MAN1A1: variants seen among roughly 807,000 people sequenced by gnomAD.
MAN1A1 encodes the protein mannosyl-oligosaccharide 1,2-alpha-mannosidase IA.
Under a neutral mutation model 70.8 loss-of-function variants are expected in MAN1A1, and 29 were observed. That is an observed-to-expected ratio of 0.41 (90% CI 0.31 to 0.56). The LOEUF (loss-of-function observed/expected upper bound fraction) is 0.56, where lower values mean the gene tolerates loss of function less well. Among genes scored for constraint, MAN1A1 ranks in the 20% least tolerant of loss-of-function variants. The probability of loss-of-function intolerance (pLI) is 0.29; values close to 1 mark genes in which losing one functional copy is unlikely to be tolerated. For synonymous variants in MAN1A1, 349 were observed against 330.1 expected (o/e 1.06, Z -0.62); for missense variants, 747 against 841.3 (o/e 0.89, Z 1.39).
At chr6:119,336,577 ATTAT>A (rs532659985) in intron 2 of MAN1A1, among the ~76,000 whole-genome samples, 21 of 152,216 alleles carry the variant, frequency 1.4e-4, no homozygotes, top group Non-Finnish European at 2.5e-4. Context: ...CTACCATGCA[ATTAT>A]TTATATGACA....
intron 2 of MAN1A1, among the ~76,000 whole-genome samples, chr6:119,343,385 T>C (rs1773646103): frequency 6.6e-6 from 1 of 152,210 alleles, no homozygotes; most frequent in Non-Finnish European, 1.5e-5. Context: ...AGAATGATCT[T>C]TGTGTCTTGG....
At chr6:119,292,330 G>C (rs140217092) in intron 4 of MAN1A1, among the ~76,000 whole-genome samples, 1 of 151,820 alleles carries the variant, frequency 6.6e-6, no homozygotes, top group Non-Finnish European at 1.5e-5. Flanking sequence ...ATAATCATGG[G>C]ACTCACAGCA....
rs1435386099 is a variant in MAN1A1, at chr6:119,348,642, G to C, written c.424C>G (p.Leu142Val). ...ATGTCTCTTTGGATCTCCTCGGGCA[G>C]CTTCTGCAGGGTCTCCTTGGCTTCC... ...LREAKETLQK[L>V]PEEIQRDILL... Residue 142 changes from leucine to valine, a missense_variant, in exon 2 of 13, where the codon CTG becomes GTG. Leu to Val is a conservative substitution (Grantham distance 32). Around this residue, in one of 2 missense-constraint regions of MAN1A1, gnomAD observed 328 missense variants for 293.1 expected, o/e 1.12. Coordinates refer to ENST00000368468, the MANE Select transcript of MAN1A1 (RefSeq NM_005907.4). The C allele has an allele frequency of 6.2e-7, 1 of 1,613,568 alleles. No homozygotes were observed. Among genetic ancestry groups the C allele is most frequent in the African/African-American group, 1.3e-5 (1 of 74,862 alleles).
intron 6 of MAN1A1, among the ~76,000 whole-genome samples, chr6:119,237,915 G>A (rs1037654292): frequency 1.3e-5 from 2 of 152,126 alleles, no homozygotes; most frequent in Non-Finnish European, 2.9e-5. Context: ...ATAAAGCACA[G>A]CACTTTAAAT....
chr6:119,350,419 G>A (rs892244435), upstream of MAN1A1: 44 of 403,254 alleles, frequency 1.1e-4, no homozygotes, highest in African/African-American at 8.9e-4. Flanking sequence ...ACAGTTCTGT[G>A]CTTGCTTAGG....
intron 5 of MAN1A1, among the ~76,000 whole-genome samples, chr6:119,263,459 T>C (rs544308972): frequency 1.3e-5 from 2 of 152,028 alleles, no homozygotes; most frequent in Non-Finnish European, 2.9e-5. Flanking sequence ...ATTGAGTACA[T>C]ATGGACACAA....
At chr6:119,299,796 G>A (rs1772336553) in intron 4 of MAN1A1, among the ~76,000 whole-genome samples, 1 of 152,164 alleles carries the variant, frequency 6.6e-6, no homozygotes, top group Non-Finnish European at 1.5e-5. Flanking sequence ...GTGGTGGTCT[G>A]AGGACAGCCA....
intron 4 of MAN1A1, 55 bp downstream of exon 4, chr6:119,301,933 T>G: frequency 1.1e-6 from 1 of 951,964 alleles, no homozygotes; most frequent in Non-Finnish European, 1.7e-6. Context: ...ACTACAGAAT[T>G]TATCCATGTT....
chr6:119,336,246 TTTTCG>T (rs1261657635), intron 2 of MAN1A1, among the ~76,000 whole-genome samples: 1 of 152,164 alleles, frequency 6.6e-6, no homozygotes, highest in East Asian at 1.9e-4. Flanking sequence ...GTTTTTGTAT[TTTTCG>T]TAGAGACAGG....
At chr6:119,329,972 T>C (rs544823641) in intron 2 of MAN1A1, among the ~76,000 whole-genome samples, 3 of 152,228 alleles carry the variant, frequency 2.0e-5, no homozygotes, top group Non-Finnish European at 4.4e-5. Flanking sequence ...CTTCAAATAC[T>C]GAATATCTAA....
chr6:119,223,956 A>G (rs1774436245), intron 6 of MAN1A1, among the ~76,000 whole-genome samples: 1 of 152,206 alleles, frequency 6.6e-6, no homozygotes, highest in Admixed American at 6.5e-5. Context: ...AACAGCAATT[A>G]GTAAGAATTT....
intron 4 of MAN1A1, among the ~76,000 whole-genome samples, chr6:119,299,972 A>G (rs150393980): frequency 1.3e-3 from 193 of 152,278 alleles, no homozygotes; most frequent in African/African-American, 4.3e-3. Context: ...CCGCTATTAT[A>G]TTTGAGGAGG....
At chr6:119,313,644 A>G (rs1243934030) in intron 2 of MAN1A1, among the ~76,000 whole-genome samples, 3 of 149,170 alleles carry the variant, frequency 2.0e-5, no homozygotes, top group Non-Finnish European at 4.5e-5. Flanking sequence ...GAAATATTAC[A>G]CAGAACCTAC....
At chr6:119,344,343 ATATG>A (rs780581034) in intron 2 of MAN1A1, among the ~76,000 whole-genome samples, 142 of 152,338 alleles carry the variant, frequency 9.3e-4, no homozygotes, top group Middle Eastern at 3.4e-3. Context: ...ATTACTGTAT[ATATG>A]TATTTTTTTG....
chr6:119,185,551 C>T (rs1344028825), intron 11 of MAN1A1, among the ~76,000 whole-genome samples: 1 of 151,924 alleles, frequency 6.6e-6, no homozygotes, highest in Non-Finnish European at 1.5e-5. Context: ...GAAGCTAACA[C>T]TGACCATAAT....
In MAN1A1 at chr6:119,308,904, C is replaced by T. The variant is rs75944890; in HGVS notation, c.604-1912G>A. On this transcript the variant is annotated intron_variant, in intron 2 of 12. Coordinates refer to ENST00000368468, the MANE Select transcript of MAN1A1 (RefSeq NM_005907.4). The stretch of plus-strand genomic sequence containing the variant: ...GTTTCAGCTTTGTCAAAAATGATCA[C>T]TTATACAATGTACCACTAGTAAAGG... Among the ~76,000 whole-genome samples, 893 of 152,266 alleles carry T rather than the reference C, an allele frequency of 5.9e-3. 31 individuals carry two copies. In the East Asian group the frequency reaches 0.089, roughly 15 times the overall value.
intron 3 of MAN1A1, among the ~76,000 whole-genome samples, chr6:119,304,803 C>A (rs889083518): frequency 6.6e-6 from 1 of 152,128 alleles, no homozygotes; most frequent in African/African-American, 2.4e-5. Context: ...AATAACTTAG[C>A]TCAAACTAAA....
intron 6 of MAN1A1, among the ~76,000 whole-genome samples, chr6:119,245,825 A>G (rs1775154704): frequency 1.3e-5 from 2 of 152,184 alleles, no homozygotes. Context: ...ATTTTTCACC[A>G]CATGCAATTT....
At chr6:119,327,209 C>G (rs1480698201) in intron 2 of MAN1A1, 1 of 152,082 alleles carries the variant, frequency 6.6e-6, no homozygotes, top group East Asian at 1.9e-4. Context: ...AGAGATGCAG[C>G]AGAATGGAAA....
Sources: gnomAD v4.1 joint callset for allele counts (sites outside exome capture counted in the v4.1 genomes callset) on GRCh38, gnomAD v4.1.1 for gene constraint, gnomAD v4.1.1 regional missense constraint, MANE v1.5 for transcripts, NCBI Gene and HGNC (gene_info 2026-07-23, HGNC 2026-07-21) for gene names.